Variants in TMEM45B observed in about 807,000 individuals in gnomAD.
The protein encoded by TMEM45B is transmembrane protein 45B.
In TMEM45B, 29 loss-of-function variants were observed where a neutral mutation model predicts 27.3. The observed-to-expected ratio is 1.06, with a 90% CI of 0.79 to 1.45. The LOEUF (loss-of-function observed/expected upper bound fraction) is 1.45, where lower values mean the gene tolerates loss of function less well. TMEM45B is among the 40% of genes most tolerant of loss of function. TMEM45B has a pLI of 0.00. For synonymous variants in TMEM45B, 143 were observed against 134.7 expected, an observed-to-expected ratio of 1.06 and a Z score of -0.43; for missense variants, 348 against 343.9, an observed-to-expected ratio of 1.01 and a Z score of -0.09.
In TMEM45B at chr11:129,852,581, G is replaced by C. The variant is rs149203991; in HGVS notation, c.99G>C (p.Thr33=). 1.2e-6 allele frequency: 2 copies of C among 1,613,952 alleles called. No individual in the cohort carries two copies. Among genetic ancestry groups the C allele is most frequent in the Non-Finnish European group, 1.7e-6 (2 of 1,179,920 alleles). ...VKYPLKYFSH[T]RKNSPLHYYQ... ...ACCCGCTGAAGTACTTTAGCCACAC[G>C]CGGAAGAACAGCCCACTACATTACT... Residue 33 remains threonine (T), a synonymous_variant, in exon 2 of 6, where the codon ACG becomes ACC. Coordinates refer to ENST00000281441, the MANE Select transcript of TMEM45B (RefSeq NM_138788.5).
intron 1 of TMEM45B, among the ~76,000 whole-genome samples, chr11:129,837,777 C>CTTTTTTTT (rs1159669879): frequency 2.9e-4 from 20 of 69,030 alleles, no homozygotes; most frequent in Non-Finnish European, 3.5e-4. Context: ...AGGCTAGTTT[C>CTTTTTTTT]TTTTTTTTTT....
intron 1 of TMEM45B, among the ~76,000 whole-genome samples, chr11:129,839,758 C>T (rs1409891572): frequency 6.6e-6 from 1 of 152,148 alleles, no homozygotes; most frequent in Admixed American, 6.5e-5. Context: ...TGATCTTGAA[C>T]ACCTGGGCTC....
rs200040338 is a variant in TMEM45B at position 129,837,585 on chromosome 11, C to CTTTTTTTTTTTTTTTT, written c.-8-14875_-8-14874insTTTTTTTTTTTTTTTT. Among the ~76,000 whole-genome samples, 375 of 80,166 alleles carry CTTTTTTTTTTTTTTTT rather than the reference C, an allele frequency of 4.7e-3. 59 individuals carry two copies. Among genetic ancestry groups the CTTTTTTTTTTTTTTTT allele is most frequent in the Middle Eastern group, 0.023 (3 of 132 alleles). 52.6% of individuals were successfully genotyped at this position (80,166 alleles called of 152,430 possible). ...TACAGGCATGAGCCACTGCACTGGG[C>CTTTTTTTTTTTTTTTT]TTTTTTTTTTTTTTTGAGACAGGGT... On this transcript the variant is annotated intron_variant, in intron 1 of 5. Transcript: ENST00000281441.
chr11:129,840,349 C>G (rs1947674331), intron 1 of TMEM45B, among the ~76,000 whole-genome samples: 1 of 152,170 alleles, frequency 6.6e-6, no homozygotes, highest in African/African-American at 2.4e-5. Context: ...AAGCTGGTAT[C>G]AAGTACATAG....
chr11:129,849,458 G>A (rs530055021), intron 1 of TMEM45B, among the ~76,000 whole-genome samples: 2 of 152,360 alleles, frequency 1.3e-5, no homozygotes, highest in Admixed American at 1.3e-4. Context: ...CAAGGCTCCA[G>A]GTGATACCAC....
intron 1 of TMEM45B, among the ~76,000 whole-genome samples, chr11:129,817,101 TTTC>T (rs1287730793): frequency 1.3e-5 from 2 of 152,090 alleles, no homozygotes; most frequent in African/African-American, 4.8e-5. Context: ...TGTCTGCCCT[TTTC>T]CTCCTCCTGC....
At chr11:129,829,438 C>T (rs1386477655) in intron 1 of TMEM45B, among the ~76,000 whole-genome samples, 2 of 152,130 alleles carry the variant, frequency 1.3e-5, no homozygotes, top group African/African-American at 4.8e-5. Flanking sequence ...TGGTCAGTCC[C>T]AATCTGACAA....
At chr11:129,836,275 G>A (rs1243965559) in intron 1 of TMEM45B, among the ~76,000 whole-genome samples, 4 of 105,214 alleles carry the variant, frequency 3.8e-5, no homozygotes, top group Non-Finnish European at 5.9e-5. Flanking sequence ...TTGTCTGGTC[G>A]TAAAGGTTCA....
At position 129,855,601 on chromosome 11, in the gene TMEM45B, T is replaced by C. The variant is rs1042452712; in HGVS notation, c.386-107T>C. 6.4e-6 allele frequency: 7 copies of C among 1,088,894 alleles called. No individual in the cohort carries two copies. In the African/African-American group the frequency reaches 9.3e-5, roughly 14 times the overall value. The allele number at this position is 1,088,894 out of a possible 1,614,324, so 67.5% of individuals were successfully genotyped here. On this transcript the variant is annotated intron_variant, in intron 3 of 5. Coordinates refer to ENST00000281441, the MANE Select transcript of TMEM45B (RefSeq NM_138788.5). Reference sequence around the variant, plus strand: ...GTTTGCTGCCTGTAATGTTATGTACTAACTGCCTAAATGCTGAAGAACCTA... The same window carrying C: ...GTTTGCTGCCTGTAATGTTATGTACCAACTGCCTAAATGCTGAAGAACCTA...
At position 129,855,757 on chromosome 11, in the gene TMEM45B, C is replaced by T. The variant is rs755487204; in HGVS notation, c.435C>T (p.His145=). ...ACAACCGGCCTCCGCTGGACCAGCACATCCACTCACTCCTGCTGTATGCTC... is the reference window on the plus strand; with the variant it reads ...ACAACCGGCCTCCGCTGGACCAGCATATCCACTCACTCCTGCTGTATGCTC... ...HVHNRPPLDQ[H]IHSLLLYALF... Residue 145 remains histidine (H), a synonymous_variant, in exon 4 of 6, where the codon CAC becomes CAT. Transcript: ENST00000281441. The T allele has an allele frequency of 6.2e-7, 1 of 1,614,198 alleles. No homozygotes were observed. Among genetic ancestry groups the T allele is most frequent in the Non-Finnish European group, 8.5e-7 (1 of 1,180,040 alleles).
At chr11:129,852,723 T>G in intron 2 of TMEM45B, 63 bp downstream of exon 2, 1 of 1,519,066 alleles carries the variant, frequency 6.6e-7, no homozygotes, top group Non-Finnish European at 8.9e-7. Context: ...TTTAATTCAT[T>G]TTCTGAGCCC....
intron 1 of TMEM45B, among the ~76,000 whole-genome samples, chr11:129,819,702 T>C (rs572326907): frequency 6.6e-6 from 1 of 151,282 alleles, no homozygotes; most frequent in Non-Finnish European, 1.5e-5. Flanking sequence ...ATTACAGACG[T>C]GCACCACCAC....
intron 1 of TMEM45B, among the ~76,000 whole-genome samples, chr11:129,847,903 A>C (rs1173114472): frequency 1.3e-5 from 2 of 150,732 alleles, no homozygotes; most frequent in African/African-American, 2.4e-5. Flanking sequence ...TGTTGGGTAC[A>C]CCTCCCAGAT....
Position 129,857,385 on chromosome 11 carries a change from ATCACCATGTGCTTCTGCTGGCACTACC to A in TMEM45B, c.645_671del (p.Ile215_Leu224delinsMet), listed in dbSNP as rs1180249019. 1 of 1,614,196 alleles carries A rather than the reference ATCACCATGTGCTTCTGCTGGCACTACC, an allele frequency of 6.2e-7. No individual in the cohort carries two copies. Among genetic ancestry groups the A allele is most frequent in the East Asian group, 2.2e-5 (1 of 44,872 alleles). On this transcript the variant is annotated inframe_deletion, in exon 5 of 6. Transcript: ENST00000281441. ...GAAGGATGATGCCAACCTCATGTTCATCACCATGTGCTTCTGCTGGCACTACCTGGCTGCCCTCAGCATTGTGGCCGT... is the reference window on the plus strand; with the variant it reads ...GAAGGATGATGCCAACCTCATGTTCATGGCTGCCCTCAGCATTGTGGCCGT...
At chr11:129,851,415 G>A (rs1328379280) in intron 1 of TMEM45B, among the ~76,000 whole-genome samples, 2 of 149,870 alleles carry the variant, frequency 1.3e-5, no homozygotes, top group African/African-American at 2.5e-5. Context: ...GTGGTGGCGG[G>A]TGCCTGTAAT....
intron 5 of TMEM45B, among the ~76,000 whole-genome samples, chr11:129,858,316 T>C (rs1357171871): frequency 6.6e-6 from 1 of 152,190 alleles, no homozygotes; most frequent in Non-Finnish European, 1.5e-5. Context: ...TTTCTTTTAG[T>C]TCTCCTGCCC....
intron 1 of TMEM45B, among the ~76,000 whole-genome samples, chr11:129,848,315 A>G (rs542432809): frequency 0.03 from 4,603 of 151,952 alleles, 129 homozygotes; most frequent in African/African-American, 0.11. Context: ...GCTGGAGACC[A>G]GCCCGGCCAA....
intron 2 of TMEM45B, among the ~76,000 whole-genome samples, chr11:129,854,119 G>A (rs1242515907): frequency 6.6e-6 from 1 of 152,138 alleles, no homozygotes; most frequent in East Asian, 1.9e-4. Flanking sequence ...CTGCAGACAC[G>A]CACCTGGGAG....
intron 1 of TMEM45B, 111 bp from the exon 2 acceptor site, chr11:129,852,364 T>C: frequency 1.1e-6 from 1 of 937,480 alleles, no homozygotes; most frequent in East Asian, 2.6e-5. Context: ...TTGATCCTTC[T>C]TAACGTGGCT....
Sources: gnomAD v4.1 joint callset for allele counts (sites outside exome capture counted in the v4.1 genomes callset) on GRCh38, gnomAD v4.1.1 for gene constraint, MANE v1.5 for transcripts, NCBI Gene and HGNC (gene_info 2026-07-23, HGNC 2026-07-21) for gene names.